Variants in FBLN2 observed in about 807,000 individuals in gnomAD.
FBLN2 encodes the protein fibulin 2.
A neutral mutation model predicts 123.7 loss-of-function variants in FBLN2; 81 were observed. The ratio of observed to expected loss-of-function variants is 0.65; its 90% CI spans 0.55 to 0.79. The LOEUF (loss-of-function observed/expected upper bound fraction) is 0.79. Among genes scored for constraint, FBLN2 ranks in the 30% least tolerant of loss-of-function variants. FBLN2 has a pLI of 0.00. For synonymous variants in FBLN2, 699 were observed against 701.4 expected, an observed-to-expected ratio of 1.00 and a Z score of 0.05; for missense variants, 1,603 against 1,681.3, an observed-to-expected ratio of 0.95 and a Z score of 0.81.
intron 1 of FBLN2, among the ~76,000 whole-genome samples, chr3:13,552,494 G>C (rs1703350618): frequency 6.6e-6 from 1 of 152,164 alleles, no homozygotes; most frequent in Admixed American, 6.5e-5. Context: ...GAGTGTGGGT[G>C]GTGCAGGTGT....
chr3:13,583,373 C>T (rs1704398588), intron 2 of FBLN2, among the ~76,000 whole-genome samples: 1 of 152,272 alleles, frequency 6.6e-6, no homozygotes, highest in Admixed American at 6.5e-5. Flanking sequence ...GTGAATTGTC[C>T]ATGGTTCCTG....
Position 13,570,471 on chromosome 3 carries a change from C to T in FBLN2, c.116C>T (p.Pro39Leu), listed in dbSNP as rs369825172. Reference protein sequence around the residue: ...PRQDCTGVECPPLENCIEEAL... With the variant: ...PRQDCTGVECLPLENCIEEAL... ...CAGGACTGCACGGGCGTGGAGTGCC[C>T]GCCGCTGGAGAACTGCATTGAGGAG... The change falls in exon 2 of 18, where the codon CCG becomes CTG. Residue 39 changes from proline (P) to leucine (L), a missense_variant. Pro to Leu is a moderately conservative substitution (Grantham distance 98). Coordinates refer to ENST00000404922, the MANE Select transcript of FBLN2 (RefSeq NM_001004019.2). 15 of 1,577,432 alleles carry T rather than the reference C, an allele frequency of 9.5e-6. No individual in the cohort carries two copies. The highest frequency in any genetic ancestry group is 3.5e-4 in the Middle Eastern group (2 of 5,734).
chr3:13,596,555 T>A (rs1408009593), intron 2 of FBLN2, among the ~76,000 whole-genome samples: 1 of 152,246 alleles, frequency 6.6e-6, no homozygotes, highest in Non-Finnish European at 1.5e-5. Flanking sequence ...ATTTTTATTA[T>A]TTTTTAAATC....
chr3:13,634,624 C>T (rs967039175), intron 16 of FBLN2, among the ~76,000 whole-genome samples: 31 of 152,258 alleles, frequency 2.0e-4, no homozygotes, highest in African/African-American at 7.2e-4. Flanking sequence ...TGGGACCACC[C>T]GGTTGGGCTC....
At chr3:13,564,109 T>G (rs1292351943) in intron 1 of FBLN2, among the ~76,000 whole-genome samples, 1 of 152,200 alleles carries the variant, frequency 6.6e-6, no homozygotes, top group Non-Finnish European at 1.5e-5. Context: ...ATGAGTAATA[T>G]TGGCAGCTAA....
chr3:13,581,552 G>A (rs1008994448), intron 2 of FBLN2, among the ~76,000 whole-genome samples: 1 of 152,140 alleles, frequency 6.6e-6, no homozygotes, highest in African/African-American at 2.4e-5. Flanking sequence ...CCTGGGCTCC[G>A]AACTAGCAGG....
chr3:13,587,157 A>AAT (rs1553618621), intron 2 of FBLN2, among the ~76,000 whole-genome samples: 3 of 149,190 alleles, frequency 2.0e-5, no homozygotes, highest in African/African-American at 5.0e-5. Flanking sequence ...AAAAAAAAAA[A>AAT]AAAATAAATA....
chr3:13,609,689 C>A, intron 4 of FBLN2, 47 bp downstream of exon 4: 5 of 428,800 alleles, frequency 1.2e-5, no homozygotes, highest in South Asian at 1.7e-5. Flanking sequence ...TGGGGCGGGG[C>A]GGGAGGCTGG....
intron 2 of FBLN2, among the ~76,000 whole-genome samples, chr3:13,585,213 C>T (rs1036018001): frequency 2.6e-5 from 4 of 152,152 alleles, no homozygotes; most frequent in East Asian, 1.9e-4. Flanking sequence ...CCCCACCAGC[C>T]GTGGCCATCA....
intron 1 of FBLN2, among the ~76,000 whole-genome samples, chr3:13,553,635 C>T (rs1277250013): frequency 6.6e-6 from 1 of 152,236 alleles, no homozygotes; most frequent in Non-Finnish European, 1.5e-5. Flanking sequence ...CCTCTCTCTC[C>T]CCTCATATAT....
At chr3:13,570,013 A>G (rs1574949145) in intron 1 of FBLN2, among the ~76,000 whole-genome samples, 1 of 151,786 alleles carries the variant, frequency 6.6e-6, no homozygotes, top group South Asian at 2.1e-4. Context: ...CACTCAGAGG[A>G]CCTGCCTCAG....
intron 2 of FBLN2, among the ~76,000 whole-genome samples, chr3:13,589,782 A>G (rs766942195): frequency 6.6e-6 from 1 of 152,180 alleles, no homozygotes; most frequent in Non-Finnish European, 1.5e-5. Context: ...AGGGTACCGT[A>G]TAGCTCGTTT....
At chr3:13,616,294 G>T (rs571164871) in intron 5 of FBLN2, among the ~76,000 whole-genome samples, 1 of 152,220 alleles carries the variant, frequency 6.6e-6, no homozygotes, top group African/African-American at 2.4e-5. Context: ...GGCTTCAAAA[G>T]TCAAAGGCAG....
rs1703849309 is a variant in FBLN2 at position 13,569,411 on chromosome 3, T to A, written c.-41-904T>A. Among the ~76,000 whole-genome samples the A allele has an allele frequency of 2.8e-5, 4 of 144,006 alleles. 1 individual carries two copies. The South Asian group carries it at 9.0e-4, about 32-fold the overall frequency. 94.5% of individuals were successfully genotyped at this position (144,006 alleles called of 152,430 possible). On this transcript the variant is annotated intron_variant, in intron 1 of 17. Coordinates refer to ENST00000404922, the MANE Select transcript of FBLN2 (RefSeq NM_001004019.2). ...TGGGTTCCCTGGGAAAGGGGAGGAG[T>A]GGTGGGCAGGGAGGTGGCGGGGCTG...
chr3:13,608,322 C>A, intron 3 of FBLN2, 149 bp downstream of exon 3: 1 of 634,138 alleles, frequency 1.6e-6, no homozygotes, highest in Non-Finnish European at 2.7e-6. Flanking sequence ...GGCTGCCGTG[C>A]GCCATCTGGC....
chr3:13,600,017 C>CAGAGAGAGAGAGAGAGAGAGAGCG (rs1704971223), intron 2 of FBLN2, among the ~76,000 whole-genome samples: 1 of 137,290 alleles, frequency 7.3e-6, no homozygotes, highest in African/African-American at 2.9e-5. Flanking sequence ...AAAAACACGA[C>CAGAGAGAGAGAGAGAGAGAGAGCG]AGAGAGAGAG....
At position 13,637,685 on chromosome 3, in the gene FBLN2, C is replaced by T; in HGVS notation, c.3462C>T (p.Gly1154=). The change falls in exon 18 of 18, where the codon GGC becomes GGT. Residue 1154 remains glycine, a synonymous_variant. Transcript: ENST00000404922. ...LLVPAHIFRI[G]PAPAFTGDTI... is the part of the protein sequence containing the mutation. ...TGCCTGCGCATATCTTCCGCATTGG[C>T]CCCGCGCCAGCCTTCACGGGGGACA... 6.2e-7 allele frequency: 1 copy of T among 1,613,970 alleles called. No homozygotes were observed. The highest frequency in any genetic ancestry group is 1.7e-5 in the Admixed American group (1 of 60,014).
At chr3:13,617,168 A>G (rs1052767100) in intron 5 of FBLN2, among the ~76,000 whole-genome samples, 2 of 151,640 alleles carry the variant, frequency 1.3e-5, no homozygotes, top group Admixed American at 6.6e-5. Flanking sequence ...CCATCCATCC[A>G]TCCATCCATC....
Position 13,619,812 on chromosome 3 carries a change from G to A in FBLN2, c.2136G>A (p.Ala712=), listed in dbSNP as rs756573105. 2.5e-5 allele frequency: 41 copies of A among 1,612,262 alleles called. No homozygotes were observed. The highest frequency in any genetic ancestry group is 1.3e-4 in the East Asian group (6 of 44,768). Residue 712 remains alanine (A), a synonymous_variant, in exon 8 of 18, where the codon GCG becomes GCA. Coordinates refer to ENST00000404922, the MANE Select transcript of FBLN2 (RefSeq NM_001004019.2). ...CSCFPGYAIM[A]DGVSCEDQDE... ...GTTTTCCCGGCTATGCCATCATGGC[G>A]GATGGCGTGTCCTGTGAAGGTGAGT...
Sources: allele counts gnomAD v4.1 joint callset (sites outside exome capture counted in the v4.1 genomes callset), GRCh38; gene constraint gnomAD v4.1.1; transcripts MANE v1.5; gene names NCBI Gene and HGNC (gene_info 2026-07-23, HGNC 2026-07-21).